The following HAUS8 variants were observed in gnomAD, a reference collection of about 807,000 sequenced individuals.
HAUS8 encodes HAUS augmin-like complex subunit 8.
HAUS8 carries 38 observed loss-of-function variants against 42.9 expected under a neutral mutation model. The observed-to-expected ratio is 0.89, with a 90% CI of 0.68 to 1.16. HAUS8 has a LOEUF of 1.16. Among genes scored for constraint, HAUS8 ranks in the 50% most tolerant of loss-of-function variants. The probability of loss-of-function intolerance (pLI) is 0.00; values close to 1 mark genes in which losing one functional copy is unlikely to be tolerated. For missense variants in HAUS8, 494 were observed against 511.6 expected, an observed-to-expected ratio of 0.97 and a Z score of 0.33; for synonymous variants, 199 against 205.8, an observed-to-expected ratio of 0.97 and a Z score of 0.28.
At chr19:17,068,295 G>T (rs1306894336) in intron 3 of HAUS8, among the ~76,000 whole-genome samples, 2 of 151,780 alleles carry the variant, frequency 1.3e-5, no homozygotes, top group Admixed American at 6.6e-5. Context: ...TGTATTTTTA[G>T]TTGAGACGGG....
Position 17,050,028 on chromosome 19 carries a change from C to G in HAUS8, c.1078G>C (p.Ala360Pro). Residue 360 changes from alanine (A) to proline (P), a missense_variant, in exon 11 of 11, where the codon GCA (alanine) becomes CCA (proline). By Grantham distance (27) the Ala-to-Pro change is conservative. Coordinates refer to ENST00000253669, the MANE Select transcript of HAUS8 (RefSeq NM_033417.2). ...QDSACRESGG[A>P]PKNTPLSEDD... ...TCAGACAGGGGCGTGTTCTTGGGTG[C>G]TCCCCCAGATTCTCTGCAGGCACTG... 1 of 1,608,832 alleles carries G rather than the reference C, an allele frequency of 6.2e-7. No homozygotes were observed.
At chr19:17,075,035 A>G (rs1317747249) in intron 1 of HAUS8, 4 of 340,092 alleles carry the variant, frequency 1.2e-5, no homozygotes. Context: ...GAGCGACATC[A>G]CAGTAAAGAC....
chr19:17,057,728 A>C (rs1404851674), intron 8 of HAUS8, among the ~76,000 whole-genome samples: 1 of 152,080 alleles, frequency 6.6e-6, no homozygotes, highest in Non-Finnish European at 1.5e-5. Context: ...TATCCCCCCA[A>C]ATTCATACCT....
At chr19:17,060,141 C>A in intron 4 of HAUS8, 49 bp from the exon 5 acceptor site, 1 of 1,307,448 alleles carries the variant, frequency 7.6e-7, no homozygotes, top group Non-Finnish European at 1.1e-6. Flanking sequence ...GAGACACTCT[C>A]CATTCAAGCC....
At chr19:17,075,457 GCTTTTCAAAGCCGGACCCGCCCC>G (rs780531251), upstream of HAUS8, 3 of 1,612,392 alleles carry the variant, frequency 1.9e-6, no homozygotes, top group East Asian at 6.7e-5. Context: ...CGACCCGCCG[GCTTTTCAAAGCCGGACCCGCCCC>G]CTTGCTTGCG....
intron 5 of HAUS8, 131 bp downstream of exon 5, chr19:17,059,866 T>C (rs532635004): frequency 9.7e-6 from 7 of 720,672 alleles, no homozygotes; most frequent in South Asian, 3.3e-5. Flanking sequence ...ATATTTTTGA[T>C]GTACAATATT....
intron 10 of HAUS8, chr19:17,051,878 C>A (rs560527321): frequency 6.6e-6 from 1 of 151,680 alleles, no homozygotes; most frequent in African/African-American, 2.4e-5. Flanking sequence ...TGGTGGCTCA[C>A]GCTTGTAATC....
At position 17,049,852 on chromosome 19, in the gene HAUS8, T is replaced by C; in HGVS notation, c.*21A>G. 1 of 1,443,586 alleles carries C rather than the reference T, an allele frequency of 6.9e-7. No individual in the cohort carries two copies. The highest frequency in any genetic ancestry group is 9.1e-7 in the Non-Finnish European group (1 of 1,093,528). The allele number at this position is 1,443,586 out of a possible 1,614,324, so 89.4% of individuals were successfully genotyped here. On this transcript the variant is annotated 3_prime_UTR_variant, in exon 11 of 11. Transcript: ENST00000253669. ...TACGGTAGTATATAAAGTGCTCAAGTATCCTGAATGTAACCATGAGTCATG... is the reference window on the plus strand; with the variant it reads ...TACGGTAGTATATAAAGTGCTCAAGCATCCTGAATGTAACCATGAGTCATG...
At chr19:17,064,290 C>T (rs2057376261) in intron 3 of HAUS8, among the ~76,000 whole-genome samples, 1 of 152,234 alleles carries the variant, frequency 6.6e-6, no homozygotes, top group Non-Finnish European at 1.5e-5. Flanking sequence ...GATTGAAAGA[C>T]TCGCTTTTAT....
intron 8 of HAUS8, among the ~76,000 whole-genome samples, chr19:17,056,737 G>A (rs1035019528): frequency 2.0e-5 from 3 of 151,594 alleles, no homozygotes; most frequent in African/African-American, 7.3e-5. Context: ...TTACAGGCAC[G>A]CATCACCATG....
intron 1 of HAUS8, chr19:17,074,435 G>GTAGGCTCCTCC (rs1555798327): frequency 6.6e-6 from 1 of 152,404 alleles, no homozygotes; most frequent in Non-Finnish European, 1.5e-5. Context: ...GCGCTCGCCC[G>GTAGGCTCCTCC]TAGGCTCCTC....
At chr19:17,073,771 G>A (rs189283211) in intron 1 of HAUS8, 1 of 183,850 alleles carries the variant, frequency 5.4e-6, no homozygotes, top group East Asian at 1.5e-4. Context: ...TTGGGAGGCT[G>A]AGGCTGGCGG....
chr19:17,065,932 G>A lies in HAUS8; in HGVS notation c.147+3099C>T, dbSNP rs182431996. Among the ~76,000 whole-genome samples the A allele has an allele frequency of 2.1e-3, 308 of 148,474 alleles. 3 individuals carry two copies. The highest frequency in any genetic ancestry group is 6.5e-3 in the African/African-American group (262 of 40,138). ...CGAACAGGCCATGGAAGCTCTGTGC[G>A]CCTTCCCCCCATATCTCACTCTACA... On this transcript the variant is annotated intron_variant, in intron 3 of 10. Coordinates refer to ENST00000253669, the MANE Select transcript of HAUS8 (RefSeq NM_033417.2).
At chr19:17,069,145 C>A (rs1365631589) in intron 2 of HAUS8, 59 bp from the exon 3 acceptor site, 3 of 1,497,224 alleles carry the variant, frequency 2.0e-6, no homozygotes, top group Admixed American at 1.8e-5. Flanking sequence ...ACCCCACACA[C>A]CCAGACCCCA....
intron 2 of HAUS8, among the ~76,000 whole-genome samples, chr19:17,071,566 C>T (rs1026811864): frequency 1.4e-4 from 21 of 152,190 alleles, no homozygotes; most frequent in African/African-American, 5.1e-4. Context: ...GCAGAAAGAC[C>T]ATCCAGCCCG....
At position 17,050,257 on chromosome 19, in the gene HAUS8, A is replaced by G. The variant is rs187546489; in HGVS notation, c.930-81T>C. 331 of 1,122,622 alleles carry G rather than the reference A, an allele frequency of 2.9e-4. No homozygotes were observed. The African/African-American group carries it at 4.7e-3, about 16-fold the overall frequency. 69.5% of individuals were successfully genotyped at this position (1,122,622 alleles called of 1,614,324 possible). On this transcript the variant is annotated intron_variant, in intron 10 of 10. Transcript: ENST00000253669. Reference sequence around the variant, plus strand: ...TGTGTGGTGAACGGAGGGCTGCCACACGGGGAGGCGGATTTTCACATGCCC... The same window carrying G: ...TGTGTGGTGAACGGAGGGCTGCCACGCGGGGAGGCGGATTTTCACATGCCC...
chr19:17,073,469 G>T, intron 1 of HAUS8, 134 bp from the exon 2 acceptor site: 1 of 810,956 alleles, frequency 1.2e-6, no homozygotes, highest in Non-Finnish European at 2.2e-6. Context: ...CAGTGAGGGT[G>T]GGCCACCTCA....
chr19:17,062,855 CTG>C (rs2057369185), intron 3 of HAUS8, 76 bp from the exon 4 acceptor site: 2 of 1,074,412 alleles, frequency 1.9e-6, no homozygotes, highest in Non-Finnish European at 1.4e-6. Flanking sequence ...GCGGTCTGCA[CTG>C]TGTTTCGTAA....
intron 8 of HAUS8, among the ~76,000 whole-genome samples, chr19:17,057,263 T>C (rs958021735): frequency 2.0e-5 from 3 of 151,668 alleles, no homozygotes; most frequent in Non-Finnish European, 4.4e-5. Flanking sequence ...GGTATGAGAG[T>C]TGCCTGAACC....
Sources: gnomAD v4.1 joint callset for allele counts (sites outside exome capture counted in the v4.1 genomes callset) on GRCh38, gnomAD v4.1.1 for gene constraint, MANE v1.5 for transcripts, NCBI Gene and HGNC (gene_info 2026-07-23, HGNC 2026-07-21) for gene names.